LTBP2: variants seen among roughly 807,000 people sequenced by gnomAD.
The protein encoded by LTBP2 is latent-transforming growth factor beta-binding protein 2.
A neutral mutation model predicts 210.6 loss-of-function variants in LTBP2; 103 were observed. That is an observed-to-expected ratio of 0.49 (90% confidence interval 0.42 to 0.58). The LOEUF is 0.58. Ranked by LOEUF, LTBP2 falls within the 20% of genes least tolerant of loss-of-function variation. LTBP2 has a pLI of 0.00. For synonymous variants in LTBP2, 1,007 were observed against 1,015.0 expected, an observed-to-expected ratio of 0.99 and a Z score of 0.15; for missense variants, 2,313 against 2,494.5, an observed-to-expected ratio of 0.93 and a Z score of 1.55.
intron 8 of LTBP2, among the ~76,000 whole-genome samples, chr14:74,537,777 T>C (rs983503903): frequency 1.3e-5 from 2 of 152,160 alleles, no homozygotes; most frequent in East Asian, 1.9e-4. Context: ...TTTTTTGAGA[T>C]GGAGTCTTGC....
chr14:74,521,777 C>T, intron 17 of LTBP2, 134 bp downstream of exon 17: 1 of 1,243,278 alleles, frequency 8.0e-7, no homozygotes, highest in East Asian at 2.4e-5. Flanking sequence ...GAGTTCTGGT[C>T]TCTCCTCCTT....
At chr14:74,552,439 C>T (rs1223858581) in intron 5 of LTBP2, 46 bp from the exon 6 acceptor site, 2 of 1,556,684 alleles carry the variant, frequency 1.3e-6, no homozygotes, top group African/African-American at 1.3e-5. Context: ...AGAACAGCAG[C>T]ACCCGCTCTG....
At chr14:74,527,015 T>A (rs995080677) in intron 13 of LTBP2, among the ~76,000 whole-genome samples, 1 of 152,158 alleles carries the variant, frequency 6.6e-6, no homozygotes, top group Non-Finnish European at 1.5e-5. Context: ...GCTCCACACC[T>A]CGTCTGCAGT....
chr14:74,590,908 T>C (rs1441074981), intron 2 of LTBP2, among the ~76,000 whole-genome samples: 1 of 152,152 alleles, frequency 6.6e-6, no homozygotes, highest in Non-Finnish European at 1.5e-5. Context: ...ACTACTCCGG[T>C]GATGGGTGCA....
intron 3 of LTBP2, among the ~76,000 whole-genome samples, chr14:74,576,430 T>C (rs372521301): frequency 3.2e-4 from 48 of 152,194 alleles, no homozygotes; most frequent in African/African-American, 1.1e-3. Context: ...ATGGATTATA[T>C]ACCAATGTAA....
At chr14:74,525,348 G>A (rs2087258961) in intron 14 of LTBP2, 123 bp from the exon 15 acceptor site, 1 of 436,288 alleles carries the variant, frequency 2.3e-6, no homozygotes, top group African/African-American at 2.0e-5. Flanking sequence ...TCACTCCCAT[G>A]CCTTCCAGTC....
intron 4 of LTBP2, among the ~76,000 whole-genome samples, chr14:74,553,485 A>G (rs189932495): frequency 6.6e-4 from 100 of 152,290 alleles, no homozygotes; most frequent in Non-Finnish European, 2.8e-4. Context: ...AAGGGCAGGG[A>G]ACAGAATGCA....
chr14:74,590,145 T>A (rs759020867), intron 2 of LTBP2, among the ~76,000 whole-genome samples: 5 of 152,116 alleles, frequency 3.3e-5, no homozygotes, highest in African/African-American at 1.2e-4. Context: ...CACAAAACAA[T>A]TGATGTTGGC....
rs149632889 is a variant in LTBP2, at chr14:74,555,509, G to A, written c.1015C>T (p.Pro339Ser). 2.4e-5 allele frequency: 38 copies of A among 1,613,558 alleles called. No homozygotes were observed. The highest frequency in any genetic ancestry group is 3.1e-5 in the Non-Finnish European group (36 of 1,179,752). The change falls in exon 4 of 36, where the codon CCC becomes TCC. Residue 339 changes from proline (P) to serine (S), a missense_variant. By Grantham distance (74) the Pro-to-Ser change is moderately conservative. Transcript: ENST00000261978. ...CAAGACAGGGTATCCTTACCCCAGG[G>A]GGATGAGGGGTGCTCCAGAGGTACC... ...QAVPLEHPSS[P>S]WGLNLTEKIK...
chr14:74,501,697 T>TG, intron 34 of LTBP2, 107 bp from the exon 35 acceptor site: 1 of 1,374,982 alleles, frequency 7.3e-7, no homozygotes, highest in Non-Finnish European at 1.0e-6. Flanking sequence ...TGTGGAACTG[T>TG]GGGGGTGGGG....
At chr14:74,510,299 AG>A in intron 19 of LTBP2, 86 bp from the exon 20 acceptor site, 1 of 1,587,212 alleles carries the variant, frequency 6.3e-7, no homozygotes, top group South Asian at 1.1e-5. Context: ...CTCAGTTATG[AG>A]GCCAGGGAAC....
rs960911548 is a variant in LTBP2 at position 74,521,347 on chromosome 14, A to C, written c.2788+564T>G. On this transcript the variant is annotated intron_variant, in intron 17 of 35. Transcript: ENST00000261978. ...TAATCATAAAAATGTATGTGGAAAA[A>C]AATGTATGTGGGGTGTTTTGCATCA... is the stretch of plus-strand genomic sequence containing the variant. 3.3e-5 allele frequency among the ~76,000 whole-genome samples: 5 copies of C among 152,304 alleles called. No homozygotes were observed. The East Asian group carries it at 9.6e-4, about 29-fold the overall frequency.
In LTBP2 at chr14:74,540,866, T is replaced by C. The variant is rs1479797502; in HGVS notation, c.1790-4866A>G. ...ATATATATTATATATATTATATATATTTATATATATAATATATATATTATA... is the reference window on the plus strand; with the variant it reads ...ATATATATTATATATATTATATATACTTATATATATAATATATATATTATA... On this transcript the variant is annotated intron_variant, in intron 8 of 35. Coordinates refer to ENST00000261978, the MANE Select transcript of LTBP2 (RefSeq NM_000428.3). Among the ~76,000 whole-genome samples the C allele has an allele frequency of 1.5e-4, 12 of 78,084 alleles. 1 individual carries two copies. Among genetic ancestry groups the C allele is most frequent in the African/African-American group, 5.3e-4 (12 of 22,780 alleles). 51.2% of individuals were successfully genotyped at this position (78,084 alleles called of 152,430 possible). A position where few individuals can be genotyped will look rare whatever the true frequency, so the allele number is the denominator to read the frequency against.
At chr14:74,540,713 C>T (rs1349920902) in intron 8 of LTBP2, among the ~76,000 whole-genome samples, 2 of 138,006 alleles carry the variant, frequency 1.4e-5, no homozygotes, top group African/African-American at 2.7e-5. Flanking sequence ...TGCAGTGAGC[C>T]GAGATTGAGC....
chr14:74,551,391 C>T lies in LTBP2; in HGVS notation c.1400-41G>A, dbSNP rs766247738. 4.6e-6 allele frequency: 7 copies of T among 1,506,856 alleles called. No homozygotes were observed. The African/African-American group carries it at 9.6e-5, about 21-fold the overall frequency. The allele number at this position is 1,506,856 out of a possible 1,614,324, so 93.3% of individuals were successfully genotyped here. ...AGAGTCAGAGCCAGGGAAGCAGGGCCCCACCCTCATTTCCAACCCTCTGAA... is the reference window on the plus strand; with the variant it reads ...AGAGTCAGAGCCAGGGAAGCAGGGCTCCACCCTCATTTCCAACCCTCTGAA... On this transcript the variant is annotated intron_variant, in intron 6 of 35. Coordinates refer to ENST00000261978, the MANE Select transcript of LTBP2 (RefSeq NM_000428.3).
At chr14:74,571,457 A>C (rs1163389969) in intron 3 of LTBP2, among the ~76,000 whole-genome samples, 1 of 152,244 alleles carries the variant, frequency 6.6e-6, no homozygotes, top group Non-Finnish European at 1.5e-5. Flanking sequence ...CCCAGCCTAC[A>C]GATGAGAACA....
intron 8 of LTBP2, among the ~76,000 whole-genome samples, chr14:74,537,605 T>C (rs1489627913): frequency 6.6e-6 from 1 of 152,210 alleles, no homozygotes; most frequent in Non-Finnish European, 1.5e-5. Flanking sequence ...TTCCTTTTTC[T>C]CCCAGTCATA....
intron 17 of LTBP2, among the ~76,000 whole-genome samples, chr14:74,519,014 C>T (rs760573102): frequency 6.6e-6 from 1 of 152,022 alleles, no homozygotes; most frequent in East Asian, 1.9e-4. Flanking sequence ...AAAATGGAGA[C>T]GTGAATAGAG....
intron 1 of LTBP2, among the ~76,000 whole-genome samples, chr14:74,604,211 C>T (rs1187987176): frequency 6.9e-6 from 1 of 144,000 alleles, no homozygotes; most frequent in Non-Finnish European, 1.5e-5. Flanking sequence ...ACACCATGGT[C>T]GTTGCCCTAC....
Sources: allele counts gnomAD v4.1 joint callset (sites outside exome capture counted in the v4.1 genomes callset), GRCh38; gene constraint gnomAD v4.1.1; transcripts MANE v1.5; gene names NCBI Gene and HGNC (gene_info 2026-07-23, HGNC 2026-07-21).